Variants in IFT43 observed in about 807,000 individuals in gnomAD.
IFT43 encodes the protein intraflagellar transport 43.
In IFT43, 33 loss-of-function variants were observed where a neutral mutation model predicts 32.3. The observed-to-expected ratio is 1.02, with a 90% CI of 0.77 to 1.37. The LOEUF (loss-of-function observed/expected upper bound fraction) is 1.37. Ranked by LOEUF, IFT43 falls within the 40% of genes most tolerant of loss-of-function variation. The pLI is 0.00. For synonymous variants in IFT43, 93 were observed against 98.2 expected (o/e 0.95, Z 0.31); for missense variants, 274 against 265.9 (o/e 1.03, Z -0.21).
chr14:76,062,663 T>A (rs894194646), intron 5 of IFT43, among the ~76,000 whole-genome samples: 1 of 151,044 alleles, frequency 6.6e-6, no homozygotes, highest in African/African-American at 2.4e-5. Flanking sequence ...ATGCCTGTAA[T>A]CCCAGCAGTT....
intron 5 of IFT43, among the ~76,000 whole-genome samples, chr14:76,069,744 G>A (rs536395194): frequency 3.0e-4 from 45 of 152,092 alleles, no homozygotes; most frequent in Non-Finnish European, 6.0e-4. Context: ...GAAAACAGGA[G>A]CCCAAAAAAA....
At chr14:76,027,459 A>G (rs1244256526) in intron 3 of IFT43, among the ~76,000 whole-genome samples, 1 of 152,178 alleles carries the variant, frequency 6.6e-6, no homozygotes, top group African/African-American at 2.4e-5. Flanking sequence ...GCAGTGGCTC[A>G]CGCACTTTGG....
At chr14:76,082,068 C>T (rs1033686307) in intron 5 of IFT43, among the ~76,000 whole-genome samples, 5 of 152,222 alleles carry the variant, frequency 3.3e-5, no homozygotes, top group South Asian at 2.1e-4. Flanking sequence ...GATGCTTGAG[C>T]GTGACCCAGG....
downstream of IFT43, chr14:76,084,070 A>G (rs952822296): frequency 2.1e-5 from 9 of 433,540 alleles, no homozygotes; most frequent in African/African-American, 1.8e-4. Flanking sequence ...GGCGGGAGGG[A>G]TAAGGAGACT....
intron 3 of IFT43, among the ~76,000 whole-genome samples, chr14:76,025,828 C>T (rs2036381504): frequency 6.6e-6 from 1 of 152,058 alleles, no homozygotes; most frequent in Non-Finnish European, 1.5e-5. Flanking sequence ...AAATGTAAAA[C>T]CCAAAAATAT....
chr14:76,004,242 C>T (rs189082659), intron 2 of IFT43, among the ~76,000 whole-genome samples: 46 of 152,302 alleles, frequency 3.0e-4, no homozygotes, highest in Admixed American at 7.2e-4. Context: ...CCAAGAACAA[C>T]TTCTCTATCT....
chr14:75,991,372 T>C (rs1399066314), intron 2 of IFT43, among the ~76,000 whole-genome samples: 1 of 145,380 alleles, frequency 6.9e-6, no homozygotes, highest in Non-Finnish European at 1.5e-5. Context: ...TATATATATA[T>C]ATAAATATTA....
chr14:76,056,543 T>A (rs185244532), intron 3 of IFT43, among the ~76,000 whole-genome samples: 1 of 152,348 alleles, frequency 6.6e-6, no homozygotes, highest in East Asian at 1.9e-4. Context: ...CCGCACATTG[T>A]GTAGGGAAGG....
intron 3 of IFT43, among the ~76,000 whole-genome samples, chr14:76,037,706 A>G (rs199742965): frequency 6.1e-5 from 6 of 97,950 alleles, no homozygotes; most frequent in Non-Finnish European, 1.1e-4. Flanking sequence ...TTTTTTTTTA[A>G]TTTTATTGAA....
chr14:76,026,508 A>G (rs1287487181), intron 3 of IFT43, among the ~76,000 whole-genome samples: 1 of 148,430 alleles, frequency 6.7e-6, no homozygotes. Flanking sequence ...CAGTGAGCTG[A>G]GATTGTGCCA....
At chr14:76,069,443 G>A (rs2037282092) in intron 5 of IFT43, among the ~76,000 whole-genome samples, 1 of 152,132 alleles carries the variant, frequency 6.6e-6, no homozygotes, top group African/African-American at 2.4e-5. Flanking sequence ...GCAAAGTTAT[G>A]TCCCCTCTCT....
Position 75,985,786 on chromosome 14 carries a change from G to A in IFT43, c.-1G>A. 6.2e-7 allele frequency: 1 copy of A among 1,614,232 alleles called. No homozygotes were observed. The highest frequency in any genetic ancestry group is 8.5e-7 in the Non-Finnish European group (1 of 1,180,040). On this transcript the variant is annotated 5_prime_UTR_variant, in exon 1 of 9. Coordinates refer to ENST00000314067, the MANE Select transcript of IFT43 (RefSeq NM_001102564.3). ...GGAAGTGACGTCAGGCGGCCGCGGA[G>A]ATGGAGGATTTGCTCGACTTGGACG... is the stretch of plus-strand genomic sequence containing the variant.
At chr14:76,079,613 T>C (rs907620746) in intron 5 of IFT43, among the ~76,000 whole-genome samples, 3 of 152,232 alleles carry the variant, frequency 2.0e-5, no homozygotes, top group Non-Finnish European at 4.4e-5. Flanking sequence ...CAGCTGTTCA[T>C]GTTCTTCTCC....
At chr14:76,017,913 T>A (rs951736939) in intron 2 of IFT43, among the ~76,000 whole-genome samples, 2 of 152,136 alleles carry the variant, frequency 1.3e-5, no homozygotes, top group Non-Finnish European at 2.9e-5. Context: ...TTCTCATTTA[T>A]GATTTTATTT....
intron 2 of IFT43, among the ~76,000 whole-genome samples, chr14:76,002,448 T>C (rs2035905803): frequency 6.6e-6 from 1 of 151,736 alleles, no homozygotes; most frequent in African/African-American, 2.4e-5. Flanking sequence ...AGGAAGTTGT[T>C]AGATGAGGAG....
chr14:76,054,676 A>G (rs1265989070), intron 3 of IFT43, among the ~76,000 whole-genome samples: 1 of 152,248 alleles, frequency 6.6e-6, no homozygotes, highest in Non-Finnish European at 1.5e-5. Context: ...ATGATTTGCC[A>G]GGTTCCCCAA....
At position 76,060,858 on chromosome 14, in the gene IFT43, C is replaced by CT. The variant is rs2037120870; in HGVS notation, c.295+1487dup. Reference sequence around the variant, plus strand: ...CCTTCCTTCCTTCCTTCCTTCCTTCCTTCTTTTCTTTCCTTTTCCTGCTCT... The same window carrying CT: ...CCTTCCTTCCTTCCTTCCTTCCTTCCTTTCTTTTCTTTCCTTTTCCTGCTCT... On this transcript the variant is annotated intron_variant, in intron 5 of 8. Coordinates refer to ENST00000314067, the MANE Select transcript of IFT43 (RefSeq NM_001102564.3). Among the ~76,000 whole-genome samples, 153 of 110,584 alleles carry CT rather than the reference C, an allele frequency of 1.4e-3. 4 individuals are homozygous for CT. The South Asian group carries it at 0.049, about 36-fold the overall frequency. The allele number at this position is 110,584 out of a possible 152,430, so 72.5% of individuals were successfully genotyped here.
At chr14:76,014,197 A>G (rs990071262) in intron 2 of IFT43, 2 of 217,074 alleles carry the variant, frequency 9.2e-6, no homozygotes, top group Admixed American at 9.1e-5. Flanking sequence ...CAAGCAGTGC[A>G]TTCAGGACTC....
intron 2 of IFT43, among the ~76,000 whole-genome samples, chr14:76,009,949 C>T (rs1466842334): frequency 1.3e-5 from 2 of 152,118 alleles, no homozygotes; most frequent in African/African-American, 2.4e-5. Flanking sequence ...TACATGCCAC[C>T]GTGCCTGGCC....
Sources: allele counts gnomAD v4.1 joint callset (sites outside exome capture counted in the v4.1 genomes callset), GRCh38; gene constraint gnomAD v4.1.1; transcripts MANE v1.5; gene names NCBI Gene and HGNC (gene_info 2026-07-23, HGNC 2026-07-21).